The following MYO5B variants were observed in gnomAD, a reference collection of about 807,000 sequenced individuals.
MYO5B encodes the protein unconventional myosin-Vb.
In MYO5B, 143 loss-of-function variants were observed where a neutral mutation model predicts 229.3. The observed-to-expected ratio is 0.62, with a 90% CI of 0.54 to 0.72. The LOEUF is 0.72. Among genes scored for constraint, MYO5B ranks in the 30% least tolerant of loss-of-function variants. The pLI is 0.00. For synonymous variants in MYO5B, 918 were observed against 885.2 expected (o/e 1.04, Z -0.66); for missense variants, 2,321 against 2,331.0 (o/e 1.00, Z 0.09).
chr18:50,034,465 C>T (rs776002234), intron 4 of MYO5B, among the ~76,000 whole-genome samples: 1 of 152,204 alleles, frequency 6.6e-6, no homozygotes, highest in African/African-American at 2.4e-5. Flanking sequence ...AGCTCTCAGT[C>T]GTGCGTGGTG....
intron 1 of MYO5B, among the ~76,000 whole-genome samples, chr18:50,159,862 G>C (rs943678140): frequency 6.6e-6 from 1 of 152,194 alleles, no homozygotes; most frequent in African/African-American, 2.4e-5. Context: ...TGCCTGTGCT[G>C]CTGCTGCCCT....
At chr18:50,086,059 G>A (rs1246284322) in intron 1 of MYO5B, among the ~76,000 whole-genome samples, 1 of 151,576 alleles carries the variant, frequency 6.6e-6, no homozygotes, top group African/African-American at 2.4e-5. Flanking sequence ...AAAACTTAAA[G>A]TATAATAATA....
intron 1 of MYO5B, among the ~76,000 whole-genome samples, chr18:50,074,507 A>C (rs1215045306): frequency 1.3e-5 from 2 of 152,048 alleles, no homozygotes; most frequent in Non-Finnish European, 2.9e-5. Flanking sequence ...CTCTCTACCA[A>C]CCTCATCTCT....
At chr18:49,828,175 T>C (rs1383803534) in intron 39 of MYO5B, among the ~76,000 whole-genome samples, 1 of 152,192 alleles carries the variant, frequency 6.6e-6, no homozygotes, top group Non-Finnish European at 1.5e-5. Context: ...CTGTATAAGG[T>C]ATCCTCAAAT....
intron 4 of MYO5B, among the ~76,000 whole-genome samples, chr18:50,034,022 A>G (rs1030911000): frequency 8.5e-5 from 13 of 152,186 alleles, no homozygotes; most frequent in African/African-American, 2.4e-4. Context: ...CCACATCAAG[A>G]AAGAAAATCC....
At chr18:49,923,809 A>AG (rs1459620587) in intron 17 of MYO5B, among the ~76,000 whole-genome samples, 1 of 152,138 alleles carries the variant, frequency 6.6e-6, no homozygotes, top group East Asian at 1.9e-4. Flanking sequence ...TTATATACTG[A>AG]GGGGGGTCCC....
chr18:49,972,194 C>A (rs1212213468), intron 10 of MYO5B, among the ~76,000 whole-genome samples: 4 of 152,218 alleles, frequency 2.6e-5, no homozygotes, highest in Admixed American at 2.0e-4. Context: ...CCAGACAAGC[C>A]ATCCTTGCGA....
rs564343891 is a variant in MYO5B, at chr18:49,966,437, A to G, written c.1323-3407T>C. On this transcript the variant is annotated intron_variant, in intron 10 of 39. Coordinates refer to ENST00000285039, the MANE Select transcript of MYO5B (RefSeq NM_001080467.3). ...CACTGCCTTGAATTGGGGCCCTTCC[A>G]GCCCAGATGATAGTCTTAAAGACTG... Among the ~76,000 whole-genome samples the G allele has an allele frequency of 4.6e-5, 7 of 152,342 alleles. No homozygotes were observed. The South Asian group carries it at 1.4e-3, about 32-fold the overall frequency.
chr18:49,967,461 A>G (rs1434404080), intron 10 of MYO5B, among the ~76,000 whole-genome samples: 3 of 152,204 alleles, frequency 2.0e-5, no homozygotes, highest in Non-Finnish European at 4.4e-5. Flanking sequence ...AAAATCTCCT[A>G]GCTCAGCCTG....
chr18:50,081,620 G>C (rs927770588), intron 1 of MYO5B, among the ~76,000 whole-genome samples: 2 of 152,162 alleles, frequency 1.3e-5, no homozygotes, highest in African/African-American at 4.8e-5. Context: ...GTTTGGTTTT[G>C]GTCATAGTAA....
At position 49,962,692 on chromosome 18, in the gene MYO5B, A is replaced by AG. The variant is rs57165869; in HGVS notation, c.1404+256_1404+257insC. Among the ~76,000 whole-genome samples, 152,207 of 152,208 alleles carry AG rather than the reference A, an allele frequency of 1. 76,103 individuals are homozygous for AG. Among genetic ancestry groups the AG allele is most frequent in the Non-Finnish European group, 1 (68,034 of 68,034 alleles). ...TGGCTTGCTGTTGCTTAAATACCCT[A>AG]ACACCTACGCTCAAGGAATGGGAGT... On this transcript the variant is annotated intron_variant, in intron 11 of 39. Coordinates refer to ENST00000285039, the MANE Select transcript of MYO5B (RefSeq NM_001080467.3).
intron 1 of MYO5B, among the ~76,000 whole-genome samples, chr18:50,061,140 A>T (rs1428816411): frequency 6.6e-6 from 1 of 152,242 alleles, no homozygotes; most frequent in Non-Finnish European, 1.5e-5. Flanking sequence ...TATATGAATT[A>T]TCAGGCTGTA....
chr18:49,890,376 AC>A (rs2024696641), intron 22 of MYO5B, among the ~76,000 whole-genome samples: 2 of 98,868 alleles, frequency 2.0e-5, no homozygotes, highest in African/African-American at 3.3e-5. Context: ...CTTTTTTTGG[AC>A]TGGGGGAGTG....
chr18:50,004,716 C>T (rs978879958), intron 4 of MYO5B, among the ~76,000 whole-genome samples: 6 of 152,128 alleles, frequency 3.9e-5, no homozygotes, highest in Non-Finnish European at 8.8e-5. Context: ...CTATGATAAG[C>T]TCTGATCACA....
At position 50,032,823 on chromosome 18, in the gene MYO5B, T is replaced by C. The variant is rs2026404877; in HGVS notation, c.455+4027A>G. 2.0e-5 allele frequency among the ~76,000 whole-genome samples: 3 copies of C among 152,092 alleles called. No homozygotes were observed. In the South Asian group the frequency reaches 6.2e-4, roughly 32 times the overall value. ...CAACAAGGCAAAACCCTGTCTCTAC[T>C]AAAAATACAAAAATTTAGCTGGGTG... On this transcript the variant is annotated intron_variant, in intron 4 of 39. Coordinates refer to ENST00000285039, the MANE Select transcript of MYO5B (RefSeq NM_001080467.3).
At chr18:49,898,009 C>A (rs2024799474) in intron 21 of MYO5B, among the ~76,000 whole-genome samples, 1 of 152,164 alleles carries the variant, frequency 6.6e-6, no homozygotes, top group Non-Finnish European at 1.5e-5. Flanking sequence ...TTTAGATACA[C>A]AAATATCATT....
intron 7 of MYO5B, among the ~76,000 whole-genome samples, chr18:49,989,742 G>A (rs1296173138): frequency 2.0e-5 from 3 of 152,208 alleles, no homozygotes; most frequent in African/African-American, 7.2e-5. Flanking sequence ...CCCTCAGGAA[G>A]CAGCAGGAGT....
At chr18:49,844,881 G>A (rs1015195392) in intron 33 of MYO5B, among the ~76,000 whole-genome samples, 12 of 152,214 alleles carry the variant, frequency 7.9e-5, no homozygotes, top group Non-Finnish European at 1.8e-4. Flanking sequence ...GGGAAGAGAC[G>A]ATGACACTAG....
intron 6 of MYO5B, among the ~76,000 whole-genome samples, chr18:49,990,893 C>T (rs147886367): frequency 3.5e-4 from 54 of 152,308 alleles, no homozygotes; most frequent in African/African-American, 1.0e-3. Context: ...TGTGAGCTCC[C>T]GTTCTCCTCT....
Sources: allele counts gnomAD v4.1 joint callset (sites outside exome capture counted in the v4.1 genomes callset), GRCh38; gene constraint gnomAD v4.1.1; transcripts MANE v1.5; gene names NCBI Gene and HGNC (gene_info 2026-07-23, HGNC 2026-07-21).